CDH4: variants seen among roughly 807,000 people sequenced by gnomAD.
The protein encoded by CDH4 is cadherin-4.
In CDH4, 33 loss-of-function variants were observed where a neutral mutation model predicts 86.0. That is an observed-to-expected ratio of 0.38 (90% CI 0.29 to 0.51). The LOEUF is 0.51. Among genes scored for constraint, CDH4 ranks in the 20% least tolerant of loss-of-function variants. The pLI is 0.86. For missense variants in CDH4, 1,114 were observed against 1,307.4 expected, an observed-to-expected ratio of 0.85 and a Z score of 2.28; for synonymous variants, 555 against 549.4, an observed-to-expected ratio of 1.01 and a Z score of -0.14.
chr20:61,645,258 C>G lies in CDH4; in HGVS notation c.170-98305C>G, dbSNP rs896845331. Among the ~76,000 whole-genome samples, 123 of 152,326 alleles carry G rather than the reference C, an allele frequency of 8.1e-4. 1 individual carries two copies. Among genetic ancestry groups the G allele is most frequent in the African/African-American group, 2.9e-3 (119 of 41,570 alleles). On this transcript the variant is annotated intron_variant, in intron 2 of 15. Transcript: ENST00000614565. Reference sequence around the variant, plus strand: ...GAGACAGCCAAGTCTAGAATTCCAGCTTTGCCCTGCATGGCTGTGCTATGT... The same window carrying G: ...GAGACAGCCAAGTCTAGAATTCCAGGTTTGCCCTGCATGGCTGTGCTATGT...
intron 6 of CDH4, among the ~76,000 whole-genome samples, chr20:61,868,463 C>G (rs957528225): frequency 1.3e-5 from 2 of 152,080 alleles, no homozygotes; most frequent in Admixed American, 6.5e-5. Flanking sequence ...GGTGGGGACC[C>G]GGACAGCTCC....
chr20:61,856,066 G>C (rs949849336), intron 6 of CDH4, among the ~76,000 whole-genome samples: 1 of 152,200 alleles, frequency 6.6e-6, no homozygotes, highest in Non-Finnish European at 1.5e-5. Flanking sequence ...CTCAGTGGCG[G>C]TCTTCCCAGG....
chr20:61,584,146 C>T (rs1307749974), intron 2 of CDH4, among the ~76,000 whole-genome samples: 1 of 152,178 alleles, frequency 6.6e-6, no homozygotes, highest in East Asian at 1.9e-4. Context: ...GATGAAAGAG[C>T]AAGACCCTGT....
chr20:61,429,525 A>G (rs1056777387), intron 2 of CDH4, among the ~76,000 whole-genome samples: 3 of 151,812 alleles, frequency 2.0e-5, no homozygotes, highest in Non-Finnish European at 4.4e-5. Context: ...ATGGATAGGT[A>G]GATGGGTGGG....
chr20:61,722,146 G>A (rs2088049580), intron 2 of CDH4, among the ~76,000 whole-genome samples: 1 of 152,134 alleles, frequency 6.6e-6, no homozygotes, highest in Admixed American at 6.5e-5. Context: ...AGATTATTTT[G>A]GAAGTATCCA....
At chr20:61,418,209 CT>C (rs11475784) in intron 2 of CDH4, among the ~76,000 whole-genome samples, 77,784 of 134,562 alleles carry the variant, frequency 0.58, 22,780 homozygotes, top group African/African-American at 0.73. Flanking sequence ...TCTTTTTTTT[CT>C]TTTTTTTTTT....
chr20:61,482,482 G>A (rs1432891113), intron 2 of CDH4, among the ~76,000 whole-genome samples: 1 of 152,298 alleles, frequency 6.6e-6, no homozygotes, highest in Non-Finnish European at 1.5e-5. Flanking sequence ...AAACTTGAGC[G>A]GAGGCCTGGA....
At chr20:61,453,544 T>A (rs1254341782) in intron 2 of CDH4, among the ~76,000 whole-genome samples, 1 of 152,162 alleles carries the variant, frequency 6.6e-6, no homozygotes, top group Non-Finnish European at 1.5e-5. Flanking sequence ...GAAAAGGCTC[T>A]GTGTGGAGCT....
chr20:61,454,220 T>G (rs906928298), intron 2 of CDH4, among the ~76,000 whole-genome samples: 1 of 152,162 alleles, frequency 6.6e-6, no homozygotes, highest in Non-Finnish European at 1.5e-5. Context: ...TGGGATACAG[T>G]GGTGACCAAA....
intron 2 of CDH4, among the ~76,000 whole-genome samples, chr20:61,736,891 G>A (rs1040160491): frequency 2.0e-5 from 3 of 152,138 alleles, no homozygotes; most frequent in African/African-American, 4.8e-5. Context: ...TGCCGAAGAC[G>A]TGGGTGACAG....
intron 2 of CDH4, among the ~76,000 whole-genome samples, chr20:61,525,791 C>T (rs1243658185): frequency 6.6e-6 from 1 of 152,174 alleles, no homozygotes; most frequent in Non-Finnish European, 1.5e-5. Flanking sequence ...CTTGCCTATC[C>T]TCATTTCAGG....
intron 2 of CDH4, among the ~76,000 whole-genome samples, chr20:61,620,175 T>TGGATGGATGGATGGATGGGTGGGG (rs1239402514): frequency 1.3e-5 from 1 of 79,696 alleles, no homozygotes; most frequent in African/African-American, 4.8e-5. Flanking sequence ...GATGGATGGA[T>TGGATGGATGGATGGATGGGTGGGG]GGGTGGGTGG....
At chr20:61,489,325 T>A (rs1029374377) in intron 2 of CDH4, among the ~76,000 whole-genome samples, 2 of 152,254 alleles carry the variant, frequency 1.3e-5, no homozygotes, top group Non-Finnish European at 2.9e-5. Context: ...TGTATTGGGT[T>A]GGTGCAAAAG....
chr20:61,834,275 C>T (rs1981765496), intron 4 of CDH4, among the ~76,000 whole-genome samples: 1 of 152,266 alleles, frequency 6.6e-6, no homozygotes, highest in Non-Finnish European at 1.5e-5. Context: ...CCCCCCCTCA[C>T]TCAGCTGCCT....
Position 61,816,871 on chromosome 20 carries a change from C to T in CDH4, c.577-27797C>T, listed in dbSNP as rs114024155. Among the ~76,000 whole-genome samples, 1,122 of 152,280 alleles carry T rather than the reference C, an allele frequency of 7.4e-3. 12 individuals carry two copies. The highest frequency in any genetic ancestry group is 0.026 in the African/African-American group (1,060 of 41,568). ...TCCCCATCCCCCTGCCCGGTGGGGACGCTCAGGGGTCATTTATGTTTGTTC... is the reference window on the plus strand; with the variant it reads ...TCCCCATCCCCCTGCCCGGTGGGGATGCTCAGGGGTCATTTATGTTTGTTC... On this transcript the variant is annotated intron_variant, in intron 4 of 15. Coordinates refer to ENST00000614565, the MANE Select transcript of CDH4 (RefSeq NM_001794.5).
intron 2 of CDH4, among the ~76,000 whole-genome samples, chr20:61,374,758 G>A (rs1016176347): frequency 2.0e-5 from 3 of 152,178 alleles, no homozygotes; most frequent in Admixed American, 2.0e-4. Context: ...GCCATGATGG[G>A]AAGTGGGGGT....
chr20:61,389,277 T>C (rs1397723578), intron 2 of CDH4, among the ~76,000 whole-genome samples: 1 of 152,230 alleles, frequency 6.6e-6, no homozygotes, highest in Admixed American at 6.5e-5. Context: ...GCCTTGACCA[T>C]GTGGCGGCCT....
intron 2 of CDH4, among the ~76,000 whole-genome samples, chr20:61,472,906 A>G (rs1376574349): frequency 1.3e-5 from 2 of 152,198 alleles, no homozygotes; most frequent in Non-Finnish European, 2.9e-5. Context: ...ACAAAATTAG[A>G]TTATATGGTA....
chr20:61,375,943 C>CGTGATGTTCT (rs2084867917), intron 2 of CDH4, among the ~76,000 whole-genome samples: 2 of 3,648 alleles, frequency 5.5e-4, no homozygotes. Flanking sequence ...GATGGTGGTG[C>CGTGATGTTCT]TGGTGGTGGT....
Sources: allele counts gnomAD v4.1 joint callset (sites outside exome capture counted in the v4.1 genomes callset), GRCh38; gene constraint gnomAD v4.1.1; transcripts MANE v1.5; gene names NCBI Gene and HGNC (gene_info 2026-07-23, HGNC 2026-07-21).